The following NRG1 variants were observed in gnomAD, a reference collection of about 807,000 sequenced individuals.
NRG1 encodes pro-neuregulin-1, membrane-bound isoform.
A neutral mutation model predicts 63.8 loss-of-function variants in NRG1; 18 were observed. The observed-to-expected ratio is 0.28, with a 90% CI of 0.19 to 0.42. NRG1 has a LOEUF of 0.42. Ranked by LOEUF, NRG1 falls within the 10% of genes least tolerant of loss-of-function variation. NRG1 has a pLI of 1.00. For missense variants in NRG1, 762 were observed against 814.7 expected, an observed-to-expected ratio of 0.94 and a Z score of 0.79; for synonymous variants, 302 against 301.3, an observed-to-expected ratio of 1.00 and a Z score of -0.02.
intron 1 of NRG1, among the ~76,000 whole-genome samples, chr8:31,903,273 C>T (rs997329285): frequency 2.0e-5 from 3 of 151,602 alleles, no homozygotes; most frequent in Admixed American, 1.3e-4. Context: ...CTCAGCCTCC[C>T]GAGTAGCTGG....
intron 1 of NRG1, among the ~76,000 whole-genome samples, chr8:31,729,866 A>G (rs1813840174): frequency 6.6e-6 from 1 of 152,124 alleles, no homozygotes; most frequent in African/African-American, 2.4e-5. Context: ...CTGATAGCCA[A>G]CTCTAAGAGA....
intron 1 of NRG1, among the ~76,000 whole-genome samples, chr8:32,056,269 G>A: frequency 6.6e-6 from 1 of 152,150 alleles, no homozygotes; most frequent in East Asian, 1.9e-4. Flanking sequence ...CTTAATTTCT[G>A]TCTTCCAATT....
intron 1 of NRG1, among the ~76,000 whole-genome samples, chr8:32,263,891 C>T (rs1296941675): frequency 6.6e-6 from 1 of 152,214 alleles, no homozygotes; most frequent in Non-Finnish European, 1.5e-5. Flanking sequence ...GAGGCTGTGT[C>T]AACACAGGTA....
intron 6 of NRG1, chr8:32,728,615 GTAAA>G: frequency 4.1e-6 from 4 of 984,548 alleles, no homozygotes; most frequent in Non-Finnish European, 4.8e-6. Context: ...TATATTGCTA[GTAAA>G]AAAAGAGAAA....
chr8:31,707,707 A>G lies in NRG1; in HGVS notation c.37+68276A>G, dbSNP rs114694435. Among the ~76,000 whole-genome samples, 351 of 152,070 alleles carry G rather than the reference A, an allele frequency of 2.3e-3. 3 individuals are homozygous for G. The highest frequency in any genetic ancestry group is 8.0e-3 in the African/African-American group (334 of 41,502). On this transcript the variant is annotated intron_variant, in intron 1 of 10. Transcript: ENST00000519301. ...CTTGCACATCAACTTTATCAGCTTT[A>G]TCTCTTGGTATTCTATCTTTTTCAT...
At chr8:32,482,682 C>T (rs12676463) in intron 1 of NRG1, among the ~76,000 whole-genome samples, 15,766 of 151,912 alleles carry the variant, frequency 0.1, 1,961 homozygotes, top group East Asian at 0.57. Context: ...GAACAGGGGA[C>T]GGGTGCTGAC....
At chr8:32,097,389 T>C (rs912170563) in intron 1 of NRG1, among the ~76,000 whole-genome samples, 4 of 152,218 alleles carry the variant, frequency 2.6e-5, no homozygotes, top group African/African-American at 7.2e-5. Context: ...CATATGGTAG[T>C]TCTATTTTTA....
intron 1 of NRG1, among the ~76,000 whole-genome samples, chr8:31,950,596 A>G (rs2129623074): frequency 6.6e-6 from 1 of 152,298 alleles, no homozygotes; most frequent in East Asian, 1.9e-4. Flanking sequence ...GCTACAGTCA[A>G]CTAGTCGGCT....
intron 1 of NRG1, among the ~76,000 whole-genome samples, chr8:32,335,382 T>C (rs1339469165): frequency 6.6e-6 from 1 of 152,196 alleles, no homozygotes; most frequent in Non-Finnish European, 1.5e-5. Context: ...AGACAATTAT[T>C]CTGTTATTCT....
At chr8:32,228,389 G>A (rs906044684) in intron 1 of NRG1, among the ~76,000 whole-genome samples, 1 of 152,114 alleles carries the variant, frequency 6.6e-6, no homozygotes, top group Non-Finnish European at 1.5e-5. Context: ...GAGATAGGTT[G>A]AACTTCATAA....
At chr8:31,999,146 T>G (rs187717172) in intron 1 of NRG1, among the ~76,000 whole-genome samples, 2 of 152,068 alleles carry the variant, frequency 1.3e-5, no homozygotes, top group Admixed American at 1.3e-4. Context: ...TATTTTCCAA[T>G]GGAAATTGAC....
chr8:32,166,873 A>T (rs1839453920), intron 1 of NRG1, among the ~76,000 whole-genome samples: 1 of 152,196 alleles, frequency 6.6e-6, no homozygotes, highest in African/African-American at 2.4e-5. Context: ...GCTGCAACTG[A>T]TGGAATAACC....
intron 1 of NRG1, among the ~76,000 whole-genome samples, chr8:32,114,631 A>G (rs1027269204): frequency 6.6e-6 from 1 of 152,172 alleles, no homozygotes; most frequent in Admixed American, 6.5e-5. Context: ...TCCCTTGGCT[A>G]CTTCTTATCT....
intron 1 of NRG1, among the ~76,000 whole-genome samples, chr8:31,757,510 G>A (rs991786777): frequency 2.0e-5 from 3 of 152,092 alleles, no homozygotes; most frequent in Admixed American, 6.6e-5. Flanking sequence ...TTAGAAAAGC[G>A]AATAAGTAAT....
At chr8:31,746,563 C>T (rs1362559445) in intron 1 of NRG1, among the ~76,000 whole-genome samples, 1 of 151,682 alleles carries the variant, frequency 6.6e-6, no homozygotes, top group East Asian at 1.9e-4. Flanking sequence ...CAGGTAGGCC[C>T]GATACAAGAA....
intron 1 of NRG1, among the ~76,000 whole-genome samples, chr8:32,387,369 T>C (rs1340881356): frequency 6.6e-6 from 1 of 152,134 alleles, no homozygotes; most frequent in East Asian, 1.9e-4. Context: ...AGAATGATGA[T>C]TAGGTTTCTA....
At position 32,742,946 on chromosome 8, in the gene NRG1, A is replaced by T; in HGVS notation, c.691+213A>T. ...GACTAGTTGGCTCTGAGATACTAAT[A>T]GGTGTGTGAGGCTCCGGATGTTTCT... On this transcript the variant is annotated intron_variant, in intron 7 of 11. Coordinates refer to ENST00000356819, the Ensembl canonical transcript of NRG1. This position sits in a 1 kb window ranked among gnomAD's most constrained non-coding sequence, Gnocchi z 4.2. 7.1e-7 allele frequency: 1 copy of T among 1,414,594 alleles called. No individual in the cohort carries two copies. The highest frequency in any genetic ancestry group is 9.2e-7 in the Non-Finnish European group (1 of 1,082,034). 87.6% of individuals were successfully genotyped at this position (1,414,594 alleles called of 1,614,324 possible).
At chr8:32,457,552 A>G (rs1055990947) in intron 1 of NRG1, among the ~76,000 whole-genome samples, 2 of 152,232 alleles carry the variant, frequency 1.3e-5, no homozygotes, top group Non-Finnish European at 1.5e-5. Context: ...CAATGTTTTT[A>G]AAGTTTAATA....
At chr8:32,470,818 T>G (rs1472321055) in intron 1 of NRG1, among the ~76,000 whole-genome samples, 2 of 152,034 alleles carry the variant, frequency 1.3e-5, no homozygotes, top group African/African-American at 4.8e-5. Context: ...TTTTTCTTCT[T>G]CAGTCAGGGT....
Sources: allele counts gnomAD v4.1 joint callset (sites outside exome capture counted in the v4.1 genomes callset), GRCh38; gene constraint gnomAD v4.1.1; non-coding constraint Gnocchi (gnomAD v3.1); transcripts MANE v1.5; gene names NCBI Gene and HGNC (gene_info 2026-07-23, HGNC 2026-07-21).